Variants in NIPA2 observed in about 807,000 individuals in gnomAD.
NIPA2 encodes magnesium transporter NIPA2.
In NIPA2, 11 loss-of-function variants were observed where a neutral mutation model predicts 29.7. The ratio of observed to expected loss-of-function variants is 0.37; its 90% CI spans 0.23 to 0.61. The LOEUF (loss-of-function observed/expected upper bound fraction) is 0.61. Among genes scored for constraint, NIPA2 ranks in the 20% least tolerant of loss-of-function variants. NIPA2 has a pLI of 0.66. For synonymous variants in NIPA2, 183 were observed against 161.9 expected (o/e 1.13, Z -0.99); for missense variants, 426 against 437.9 (o/e 0.97, Z 0.24).
At chr15:22,852,209 G>A (rs2057799016) in intron 4 of NIPA2, among the ~76,000 whole-genome samples, 1 of 152,192 alleles carries the variant, frequency 6.6e-6, no homozygotes, top group Non-Finnish European at 1.5e-5. Context: ...GCTCATGCCT[G>A]TAATCCCAGC....
intron 5 of NIPA2, among the ~76,000 whole-genome samples, chr15:22,856,589 G>A (rs1256293884): frequency 6.6e-6 from 1 of 152,096 alleles, no homozygotes; most frequent in Admixed American, 6.6e-5. Context: ...ATTGTAGAGT[G>A]TAAATGAAGA....
chr15:22,859,588 G>A (rs748202691), intron 6 of NIPA2, among the ~76,000 whole-genome samples: 3 of 152,118 alleles, frequency 2.0e-5, no homozygotes, highest in Non-Finnish European at 4.4e-5. Flanking sequence ...CACTGTGCCC[G>A]GCCAATGAGT....
rs1270761626 is a variant in NIPA2 at position 22,867,133 on chromosome 15, T to TAA, written c.*287_*288dup. ...AAGCCGAATGCACTAATGACAGTTT[T>TAA]AAGTCTATGAAAATGCTTTATTTTT... On this transcript the variant is annotated 3_prime_UTR_variant, in exon 8 of 8. Transcript: ENST00000337451. 20 of 466,004 alleles carry TAA rather than the reference T, an allele frequency of 4.3e-5. 1 individual carries two copies. Among genetic ancestry groups the TAA allele is most frequent in the Admixed American group, 4.2e-4 (11 of 26,238 alleles). 28.9% of individuals were successfully genotyped at this position (466,004 alleles called of 1,614,324 possible).
intron 3 of NIPA2, among the ~76,000 whole-genome samples, chr15:22,846,743 G>C (rs1566825462): frequency 6.6e-6 from 1 of 151,436 alleles, no homozygotes; most frequent in Non-Finnish European, 1.5e-5. Flanking sequence ...TTGAGCCTGG[G>C]AAGTCGAGGT....
At chr15:22,840,831 G>T (rs1166006686) in intron 2 of NIPA2, among the ~76,000 whole-genome samples, 3 of 151,502 alleles carry the variant, frequency 2.0e-5, no homozygotes, top group Non-Finnish European at 2.9e-5. Flanking sequence ...ATAATAAAAA[G>T]AATTTCACAT....
intron 2 of NIPA2, among the ~76,000 whole-genome samples, chr15:22,842,841 A>G (rs952931780): frequency 6.6e-6 from 1 of 151,958 alleles, no homozygotes; most frequent in Non-Finnish European, 1.5e-5. Context: ...AAAAAATTAA[A>G]AAATGCAAAA....
In NIPA2 at chr15:22,866,595, C is replaced by T. The variant is rs147462006; in HGVS notation, c.831C>T (p.Asp277=). 40 of 1,614,080 alleles carry T rather than the reference C, an allele frequency of 2.5e-5. No homozygotes were observed. In the Middle Eastern group the frequency reaches 2.0e-3, roughly 80 times the overall value. The stretch of plus-strand genomic sequence containing the variant: ...AGGAGTGGCAAGATATGCCTGTTGA[C>T]GATGTCATTGGTACTTTGAGTGGCT... The part of the protein sequence containing the change: ...LFKEWQDMPV[D]DVIGTLSGFF... The change falls in exon 8 of 8, where the codon GAC becomes GAT. Residue 277 remains aspartate, a synonymous_variant. Transcript: ENST00000337451.
rs1186781707 is a variant in NIPA2, at chr15:22,867,867, G to A, written c.*1020G>A. On this transcript the variant is annotated 3_prime_UTR_variant, in exon 8 of 8. Transcript: ENST00000337451. ...GAAAATGTTTGTTTATGAAGAAGTCGATGGAAAACTGCAAACATATGCAGA... is the reference window on the plus strand; with the variant it reads ...GAAAATGTTTGTTTATGAAGAAGTCAATGGAAAACTGCAAACATATGCAGA... The A allele has an allele frequency of 6.6e-6, 1 of 152,014 alleles. No homozygotes were observed. Among genetic ancestry groups the A allele is most frequent in the East Asian group, 1.9e-4 (1 of 5,178 alleles). The allele number at this position is 152,014 out of a possible 1,614,324, so 9.4% of individuals were successfully genotyped here.
At chr15:22,851,927 G>T in intron 4 of NIPA2, 57 bp downstream of exon 4, 6 of 1,462,050 alleles carry the variant, frequency 4.1e-6, no homozygotes, top group Non-Finnish European at 5.6e-6. Context: ...ACATGCACAG[G>T]TTCTTTGTAC....
intron 5 of NIPA2, among the ~76,000 whole-genome samples, chr15:22,854,198 G>A (rs1004139813): frequency 6.6e-6 from 1 of 151,230 alleles, no homozygotes; most frequent in African/African-American, 2.4e-5. Context: ...CACCATCTTG[G>A]CTCACTGCAA....
At chr15:22,864,770 A>G (rs2058865323) in intron 7 of NIPA2, among the ~76,000 whole-genome samples, 3 of 152,318 alleles carry the variant, frequency 2.0e-5, no homozygotes, top group African/African-American at 7.2e-5. Flanking sequence ...TTCATCTTTT[A>G]TCACAGCGGA....
chr15:22,848,936 A>G (rs964112234), intron 3 of NIPA2, among the ~76,000 whole-genome samples: 5 of 152,036 alleles, frequency 3.3e-5, no homozygotes, highest in African/African-American at 1.2e-4. Context: ...TGCATAGGCT[A>G]AAAGGGCGAA....
chr15:22,849,139 T>A (rs1216845037), intron 3 of NIPA2, among the ~76,000 whole-genome samples: 1 of 152,210 alleles, frequency 6.6e-6, no homozygotes, highest in Non-Finnish European at 1.5e-5. Flanking sequence ...TTTAAATGTG[T>A]TTACATCTCT....
chr15:22,866,150 T>G lies in NIPA2; in HGVS notation c.449-63T>G. ...CTATCAAGTTTATTATATTTTGTTT[T>G]GCATTCTGTGTTTAAGAACAACCAA... On this transcript the variant is annotated intron_variant, in intron 7 of 7. Coordinates refer to ENST00000337451, the MANE Select transcript of NIPA2 (RefSeq NM_030922.7). The G allele has an allele frequency of 3.8e-6, 5 of 1,332,160 alleles. No homozygotes were observed. In the African/African-American group the frequency reaches 4.4e-5, roughly 12 times the overall value. 82.5% of individuals were successfully genotyped at this position (1,332,160 alleles called of 1,614,324 possible). A position where few individuals can be genotyped will look rare whatever the true frequency, so the allele number is the denominator to read the frequency against.
chr15:22,852,343 A>G (rs559880723), intron 4 of NIPA2, among the ~76,000 whole-genome samples: 23 of 152,086 alleles, frequency 1.5e-4, no homozygotes, highest in African/African-American at 5.3e-4. Context: ...GGCCTGGCCT[A>G]TAGTCCCAGC....
Position 22,860,756 on chromosome 15 carries a change from T to G in NIPA2, c.415T>G (p.Leu139Val). The stretch of plus-strand genomic sequence containing the variant: ...TCCAAAGGAAGAGGAGATTGAGACT[T>G]TAAATGAAATGTCTCACAAGCTAGG... ...HAPKEEEIET[L>V]NEMSHKLGDP... is the part of the protein sequence containing the mutation. The change falls in exon 7 of 8, where the codon TTA (leucine) becomes GTA (valine). Residue 139 changes from leucine to valine, a missense_variant. Physicochemically the swap from Leu to Val is conservative, Grantham distance 32. Coordinates refer to ENST00000337451, the MANE Select transcript of NIPA2 (RefSeq NM_030922.7). 1 of 1,600,014 alleles carries G rather than the reference T, an allele frequency of 6.2e-7. No homozygotes were observed. Among genetic ancestry groups the G allele is most frequent in the African/African-American group, 1.3e-5 (1 of 74,378 alleles).
At chr15:22,841,022 G>A (rs1896952305) in intron 2 of NIPA2, among the ~76,000 whole-genome samples, 1 of 150,892 alleles carries the variant, frequency 6.6e-6, no homozygotes, top group Admixed American at 6.6e-5. Context: ...GTGGGGTGGG[G>A]GTGGGAGAGG....
chr15:22,839,655 G>A lies in NIPA2; in HGVS notation c.-351G>A, dbSNP rs1360461690. The A allele has an allele frequency of 6.6e-6, 1 of 152,120 alleles. No homozygotes were observed. The highest frequency in any genetic ancestry group is 2.1e-4 in the South Asian group (1 of 4,828). The allele number at this position is 152,120 out of a possible 1,614,324, so 9.4% of individuals were successfully genotyped here. On this transcript the variant is annotated splice_region_variant and 5_prime_UTR_variant, in exon 2 of 8. Coordinates refer to ENST00000337451, the MANE Select transcript of NIPA2 (RefSeq NM_030922.7). ...TACTTCTGTGTTTTCTTCTTTCTAG[G>A]CTGGAGCTACTCGGCCAGGGTTTAA...
At chr15:22,863,163 C>T (rs1311821904) in intron 7 of NIPA2, among the ~76,000 whole-genome samples, 4 of 151,744 alleles carry the variant, frequency 2.6e-5, no homozygotes, top group African/African-American at 9.7e-5. Flanking sequence ...ATTGCTCCCT[C>T]TGCCTCCTGG....
Sources: gnomAD v4.1 joint callset for allele counts (sites outside exome capture counted in the v4.1 genomes callset) on GRCh38, gnomAD v4.1.1 for gene constraint, MANE v1.5 for transcripts, NCBI Gene and HGNC (gene_info 2026-07-23, HGNC 2026-07-21) for gene names.